Variants in ADAMTS6 observed in about 807,000 individuals in gnomAD.
The protein encoded by ADAMTS6 is A disintegrin and metalloproteinase with thrombospondin motifs 6.
A neutral mutation model predicts 144.3 loss-of-function variants in ADAMTS6; 23 were observed. The ratio of observed to expected loss-of-function variants is 0.16; its 90% CI spans 0.11 to 0.23. ADAMTS6 has a LOEUF of 0.23. Ranked by LOEUF, ADAMTS6 falls within the 10% of genes least tolerant of loss-of-function variation. The pLI is 1.00. For synonymous variants in ADAMTS6, 444 were observed against 457.5 expected, an observed-to-expected ratio of 0.97 and a Z score of 0.38; for missense variants, 999 against 1,379.6, an observed-to-expected ratio of 0.72 and a Z score of 4.37.
chr5:65,253,561 A>G (rs1396265675), intron 14 of ADAMTS6, among the ~76,000 whole-genome samples: 2 of 152,152 alleles, frequency 1.3e-5, no homozygotes, highest in Admixed American at 6.5e-5. Context: ...AAATTATGTA[A>G]AATATATACT....
chr5:65,448,383 G>C (rs890008277), intron 7 of ADAMTS6, among the ~76,000 whole-genome samples: 1 of 151,814 alleles, frequency 6.6e-6, no homozygotes, highest in African/African-American at 2.4e-5. Flanking sequence ...AATCTCAAAC[G>C]GTTTTCTGCA....
intron 12 of ADAMTS6, among the ~76,000 whole-genome samples, chr5:65,269,029 A>C (rs1488018443): frequency 1.3e-5 from 2 of 152,186 alleles, no homozygotes; most frequent in Non-Finnish European, 2.9e-5. Context: ...TTTGAAACTC[A>C]GAGTTAAGAC....
chr5:65,425,042 G>C (rs919977605), intron 7 of ADAMTS6, among the ~76,000 whole-genome samples: 6 of 152,002 alleles, frequency 3.9e-5, no homozygotes, highest in Non-Finnish European at 8.8e-5. Flanking sequence ...GGTCGCCCAG[G>C]CTGGAGTGCA....
intron 15 of ADAMTS6, among the ~76,000 whole-genome samples, chr5:65,240,054 T>C (rs1212604322): frequency 1.3e-5 from 2 of 152,184 alleles, no homozygotes; most frequent in Non-Finnish European, 2.9e-5. Context: ...AGTACACAAA[T>C]GTTCATAGCA....
chr5:65,276,411 T>C (rs1342119501), intron 11 of ADAMTS6, among the ~76,000 whole-genome samples: 3 of 152,186 alleles, frequency 2.0e-5, no homozygotes, highest in Admixed American at 6.5e-5. Context: ...AGTTTTCAGA[T>C]AGATCTTGCA....
chr5:65,200,440 T>C (rs568587672), intron 20 of ADAMTS6, among the ~76,000 whole-genome samples: 1 of 152,340 alleles, frequency 6.6e-6, no homozygotes, highest in South Asian at 2.1e-4. Context: ...AAGTAGTCTG[T>C]AAAACATTGC....
At chr5:65,461,472 T>C (rs1292746331) in intron 3 of ADAMTS6, among the ~76,000 whole-genome samples, 4 of 152,262 alleles carry the variant, frequency 2.6e-5, no homozygotes, top group Non-Finnish European at 5.9e-5. Context: ...AAAAGTTATC[T>C]ACATCTGAAA....
intron 7 of ADAMTS6, among the ~76,000 whole-genome samples, chr5:65,378,670 A>C (rs1751769142): frequency 6.6e-6 from 1 of 152,022 alleles, no homozygotes; most frequent in Non-Finnish European, 1.5e-5. Context: ...CTTCTAAATA[A>C]CCTTTCTTCA....
chr5:65,388,773 T>G (rs1752674949), intron 7 of ADAMTS6, among the ~76,000 whole-genome samples: 1 of 152,238 alleles, frequency 6.6e-6, no homozygotes, highest in South Asian at 2.1e-4. Flanking sequence ...AGTGCCTGCT[T>G]TGGCATTTGT....
intron 20 of ADAMTS6, among the ~76,000 whole-genome samples, chr5:65,200,511 G>A (rs1302422254): frequency 6.6e-6 from 1 of 152,118 alleles, no homozygotes; most frequent in Non-Finnish European, 1.5e-5. Context: ...AAACCACGAT[G>A]CTTTCAAATC....
chr5:65,241,581 T>C (rs1371539006), intron 15 of ADAMTS6, among the ~76,000 whole-genome samples: 1 of 152,120 alleles, frequency 6.6e-6, no homozygotes, highest in Non-Finnish European at 1.5e-5. Context: ...GAGTGTAAAA[T>C]ACTTCTACTT....
chr5:65,381,529 A>ATTTTTTTTTTTTTT (rs748143650), intron 7 of ADAMTS6, among the ~76,000 whole-genome samples: 1 of 103,086 alleles, frequency 9.7e-6, no homozygotes, highest in Non-Finnish European at 1.9e-5. Flanking sequence ...TGCCTGGCTA[A>ATTTTTTTTTTTTTT]TTTTTTTTTT....
At chr5:65,204,033 A>G (rs961958759) in intron 20 of ADAMTS6, among the ~76,000 whole-genome samples, 1 of 152,180 alleles carries the variant, frequency 6.6e-6, no homozygotes, top group African/African-American at 2.4e-5. Flanking sequence ...ATGAAAGAGG[A>G]CTGATGAAAT....
intron 7 of ADAMTS6, among the ~76,000 whole-genome samples, chr5:65,373,883 A>C (rs62370668): frequency 0.12 from 17,570 of 152,158 alleles, 1,103 homozygotes; most frequent in African/African-American, 0.16. Context: ...AACCGAATCC[A>C]GCAGCACATC....
chr5:65,210,099 C>T (rs542467199), intron 20 of ADAMTS6: 4 of 219,828 alleles, frequency 1.8e-5, no homozygotes, highest in South Asian at 7.6e-5. Context: ...GATGCTGCAG[C>T]GTACTATATT....
At chr5:65,442,644 T>A (rs770559003) in intron 7 of ADAMTS6, among the ~76,000 whole-genome samples, 5 of 151,638 alleles carry the variant, frequency 3.3e-5, no homozygotes, top group African/African-American at 1.2e-4. Context: ...AAAAAAAAAA[T>A]ACAATTTTGG....
intron 9 of ADAMTS6, among the ~76,000 whole-genome samples, chr5:65,311,881 T>C (rs1454334354): frequency 6.6e-6 from 1 of 152,012 alleles, no homozygotes; most frequent in Non-Finnish European, 1.5e-5. Context: ...CGAAGGAAAA[T>C]CTTAAAATGC....
intron 1 of ADAMTS6, among the ~76,000 whole-genome samples, chr5:65,479,413 A>G (rs767800078): frequency 6.6e-6 from 1 of 152,238 alleles, no homozygotes; most frequent in Non-Finnish European, 1.5e-5. Context: ...ATGATTTATA[A>G]AACTCAAGCC....
intron 3 of ADAMTS6, among the ~76,000 whole-genome samples, chr5:65,466,743 T>A (rs1415147914): frequency 6.6e-6 from 1 of 152,180 alleles, no homozygotes; most frequent in Non-Finnish European, 1.5e-5. Context: ...TCAGTCTTCA[T>A]GAAATAAGAA....
Sources: gnomAD v4.1 joint callset for allele counts (sites outside exome capture counted in the v4.1 genomes callset) on GRCh38, gnomAD v4.1.1 for gene constraint, MANE v1.5 for transcripts, NCBI Gene and HGNC (gene_info 2026-07-23, HGNC 2026-07-21) for gene names.